The following XPO1 variants were observed in gnomAD, a reference collection of about 807,000 sequenced individuals.
XPO1 encodes exportin 1.
A neutral mutation model predicts 133.3 loss-of-function variants in XPO1; 5 were observed. The observed-to-expected ratio is 0.04, with a 90% CI of 0.02 to 0.08. XPO1 has a LOEUF of 0.08. Ranked by LOEUF, XPO1 falls within the 10% of genes least tolerant of loss-of-function variation. The probability of loss-of-function intolerance (pLI) is 1.00; values close to 1 mark genes in which losing one functional copy is unlikely to be tolerated. For missense variants in XPO1, 506 were observed against 1,267.5 expected (o/e 0.40, Z 9.12); for synonymous variants, 419 against 408.2 (o/e 1.03, Z -0.32).
At chr2:61,508,253 A>G (rs1448694108) in intron 4 of XPO1, among the ~76,000 whole-genome samples, 1 of 152,152 alleles carries the variant, frequency 6.6e-6, no homozygotes, top group Non-Finnish European at 1.5e-5. Flanking sequence ...CGGTGGGTCA[A>G]ATGCTCTAAT....
At chr2:61,529,217 T>C (rs1299605812) in intron 2 of XPO1, among the ~76,000 whole-genome samples, 2 of 152,200 alleles carry the variant, frequency 1.3e-5, no homozygotes, top group Non-Finnish European at 2.9e-5. Context: ...GTTATCTTTC[T>C]CTTATACTTT....
chr2:61,517,298 A>G (rs1484281852), intron 4 of XPO1, among the ~76,000 whole-genome samples: 1 of 152,220 alleles, frequency 6.6e-6, no homozygotes, highest in Non-Finnish European at 1.5e-5. Flanking sequence ...TTAAGACTTC[A>G]GTGATGGCTA....
rs1163597698 is a variant in XPO1 at position 61,510,937 on chromosome 2, CAA to C, written c.302-8629_302-8628del. 4.2e-3 allele frequency among the ~76,000 whole-genome samples: 254 copies of C among 61,188 alleles called. 1 individual carries two copies. The highest frequency in any genetic ancestry group is 0.011 in the African/African-American group (206 of 18,100). The allele number at this position is 61,188 out of a possible 152,430, so 40.1% of individuals were successfully genotyped here. A position where few individuals can be genotyped will look rare whatever the true frequency, so the allele number is the denominator to read the frequency against. On this transcript the variant is annotated intron_variant, in intron 4 of 24. Transcript: ENST00000401558. Reference sequence around the variant, plus strand: ...TGGGCGACAGCGTGAGACCTTATCTCAAAAAAAAAAAAAAAAAAAAAAGTTAC... The same window carrying C: ...TGGGCGACAGCGTGAGACCTTATCTCAAAAAAAAAAAAAAAAAAAAGTTAC...
At chr2:61,530,728 TAA>T (rs201428574) in intron 2 of XPO1, among the ~76,000 whole-genome samples, 3 of 141,590 alleles carry the variant, frequency 2.1e-5, no homozygotes, top group African/African-American at 5.2e-5. Context: ...CACATTCCTT[TAA>T]AAAAAAAAAA....
At chr2:61,528,733 TTATATA>T (rs10528074) in intron 2 of XPO1, among the ~76,000 whole-genome samples, 2,956 of 114,560 alleles carry the variant, frequency 0.026, 33 homozygotes, top group Non-Finnish European at 0.036. Context: ...GACATTTTAT[TTATATA>T]TATATATATA....
At chr2:61,522,778 C>T in intron 3 of XPO1, 95 bp from the exon 4 acceptor site, 1 of 883,798 alleles carries the variant, frequency 1.1e-6, no homozygotes, top group Non-Finnish European at 1.8e-6. Context: ...ACATTTACAT[C>T]TAAAGTTTCA....
At chr2:61,524,964 G>A (rs1318880608) in intron 3 of XPO1, among the ~76,000 whole-genome samples, 1 of 151,264 alleles carries the variant, frequency 6.6e-6, no homozygotes, top group Non-Finnish European at 1.5e-5. Flanking sequence ...TCAAAAATCT[G>A]AAGTGACAGT....
intron 5 of XPO1, 98 bp from the exon 6 acceptor site, chr2:61,502,138 G>C (rs942835663): frequency 6.7e-7 from 1 of 1,488,942 alleles, no homozygotes; most frequent in African/African-American, 1.4e-5. Context: ...TACTGTAAAT[G>C]ACTGACTGTG....
rs557923468 is a variant in XPO1 at position 61,481,178 on chromosome 2, T to C, written c.3069+7A>G. On this transcript the variant is annotated splice_region_variant and intron_variant, in intron 24 of 24. Transcript: ENST00000401558. ...TAATATTTCTGCAAGAGCAAATAAA[T>C]ACATACCTTTATTTGAACTAGGAAA... The C allele has an allele frequency of 6.6e-5, 104 of 1,580,926 alleles. No homozygotes were observed. The highest frequency in any genetic ancestry group is 3.4e-4 in the Middle Eastern group (2 of 5,828).
At chr2:61,516,717 GAGTA>G (rs1329496360) in intron 4 of XPO1, among the ~76,000 whole-genome samples, 1 of 151,532 alleles carries the variant, frequency 6.6e-6, no homozygotes, top group African/African-American at 2.4e-5. Context: ...CCCCGCCTGT[GAGTA>G]AGTTTTTATC....
At chr2:61,487,562 C>CT (rs1485383693) in intron 19 of XPO1, among the ~76,000 whole-genome samples, 1 of 150,838 alleles carries the variant, frequency 6.6e-6, no homozygotes, top group Non-Finnish European at 1.5e-5. Flanking sequence ...AAAAAACCAA[C>CT]ACTATTCCAA....
At chr2:61,518,574 G>A (rs906732663) in intron 4 of XPO1, among the ~76,000 whole-genome samples, 5 of 150,678 alleles carry the variant, frequency 3.3e-5, no homozygotes, top group East Asian at 2.0e-4. Flanking sequence ...CCGAGATCAC[G>A]CCACTGCACT....
intron 23 of XPO1, among the ~76,000 whole-genome samples, chr2:61,481,785 G>A (rs1696372554): frequency 6.6e-6 from 1 of 150,612 alleles, no homozygotes; most frequent in African/African-American, 2.4e-5. Flanking sequence ...CACCCACACT[G>A]GAGTGCAGTG....
Position 61,500,805 on chromosome 2 carries a change from G to C in XPO1, c.409-911C>G, listed in dbSNP as rs554053253. 2.7e-3 allele frequency among the ~76,000 whole-genome samples: 417 copies of C among 152,102 alleles called. 1 individual carries two copies. Among genetic ancestry groups the C allele is most frequent in the African/African-American group, 9.4e-3 (390 of 41,488 alleles). On this transcript the variant is annotated intron_variant, in intron 6 of 24. Coordinates refer to ENST00000401558, the MANE Select transcript of XPO1 (RefSeq NM_003400.4). Reference sequence around the variant, plus strand: ...CAGAGCGACACTCCATTTCAAACAAGAAAAGAAGAAATTATCCTAGGAGAC... The same window carrying C: ...CAGAGCGACACTCCATTTCAAACAACAAAAGAAGAAATTATCCTAGGAGAC...
At chr2:61,482,592 T>G in intron 22 of XPO1, 53 bp from the exon 23 acceptor site, 1 of 1,417,058 alleles carries the variant, frequency 7.1e-7, no homozygotes, top group East Asian at 2.5e-5. Context: ...ACTATAGATC[T>G]TAGCGTTTTT....
chr2:61,500,655 CA>C (rs1697465784), intron 6 of XPO1, among the ~76,000 whole-genome samples: 2 of 147,728 alleles, frequency 1.4e-5, no homozygotes, highest in Admixed American at 1.4e-4. Flanking sequence ...AAAAATTAGC[CA>C]GGGGTGGTGG....
intron 19 of XPO1, among the ~76,000 whole-genome samples, chr2:61,487,867 A>ATTAATTAATTACT (rs1696774201): frequency 6.6e-6 from 1 of 152,206 alleles, no homozygotes; most frequent in Admixed American, 6.5e-5. Context: ...CAAAAACTGC[A>ATTAATTAATTACT]CCGGTACTCC....
chr2:61,486,691 T>G (rs928141581), intron 19 of XPO1, among the ~76,000 whole-genome samples: 1 of 152,174 alleles, frequency 6.6e-6, no homozygotes, highest in African/African-American at 2.4e-5. Flanking sequence ...TTTCCTGACC[T>G]CGTGATCCAC....
intron 4 of XPO1, among the ~76,000 whole-genome samples, chr2:61,514,660 A>G (rs1042643293): frequency 6.6e-6 from 1 of 152,066 alleles, no homozygotes; most frequent in Non-Finnish European, 1.5e-5. Context: ...GCACTACAAT[A>G]GCCAAACTAA....
Sources: gnomAD v4.1 joint callset for allele counts (sites outside exome capture counted in the v4.1 genomes callset) on GRCh38, gnomAD v4.1.1 for gene constraint, MANE v1.5 for transcripts, NCBI Gene and HGNC (gene_info 2026-07-23, HGNC 2026-07-21) for gene names.